Variants in ADAMTS12 observed in about 807,000 individuals in gnomAD.
The protein encoded by ADAMTS12 is A disintegrin and metalloproteinase with thrombospondin motifs 12.
ADAMTS12 carries 118 observed loss-of-function variants against 167.8 expected under a neutral mutation model. That is an observed-to-expected ratio of 0.70 (90% CI 0.61 to 0.82). The LOEUF is 0.82. Among genes scored for constraint, ADAMTS12 ranks in the 40% least tolerant of loss-of-function variants. ADAMTS12 has a pLI of 0.00. For missense variants in ADAMTS12, 1,916 were observed against 1,998.8 expected, an observed-to-expected ratio of 0.96 and a Z score of 0.79; for synonymous variants, 704 against 716.9, an observed-to-expected ratio of 0.98 and a Z score of 0.29.
chr5:33,530,351 GT>G (rs1744038063), intron 23 of ADAMTS12, among the ~76,000 whole-genome samples: 1 of 152,238 alleles, frequency 6.6e-6, no homozygotes, highest in African/African-American at 2.4e-5. Flanking sequence ...CAGCAGAGCA[GT>G]GGGTGTTGTT....
At chr5:33,887,056 T>C (rs555661470) in intron 1 of ADAMTS12, among the ~76,000 whole-genome samples, 3 of 152,218 alleles carry the variant, frequency 2.0e-5, no homozygotes, top group East Asian at 1.9e-4. Flanking sequence ...ACACTCACCA[T>C]AGCCTCCTCT....
chr5:33,684,120 T>C, intron 3 of ADAMTS12, 65 bp from the exon 4 acceptor site: 1 of 1,191,604 alleles, frequency 8.4e-7, no homozygotes, highest in Non-Finnish European at 1.1e-6. Context: ...CTACTTATGT[T>C]AGTAAAGATG....
chr5:33,727,245 T>G (rs1268645827), intron 3 of ADAMTS12, among the ~76,000 whole-genome samples: 1 of 152,046 alleles, frequency 6.6e-6, no homozygotes, highest in Non-Finnish European at 1.5e-5. Context: ...ACCACCGAGA[T>G]CTGGCCTGGG....
At chr5:33,583,764 T>C (rs1747197780) in intron 18 of ADAMTS12, among the ~76,000 whole-genome samples, 1 of 152,252 alleles carries the variant, frequency 6.6e-6, no homozygotes, top group South Asian at 2.1e-4. Flanking sequence ...CACCTTTTCA[T>C]ATGCCTGCTT....
chr5:33,626,356 G>GA (rs1739597449), intron 13 of ADAMTS12, among the ~76,000 whole-genome samples: 2 of 147,080 alleles, frequency 1.4e-5, no homozygotes, highest in African/African-American at 2.5e-5. Context: ...TGGTGGTGAT[G>GA]TGATGGTGGT....
chr5:33,793,060 C>T (rs1325894455), intron 2 of ADAMTS12, among the ~76,000 whole-genome samples: 4 of 152,226 alleles, frequency 2.6e-5, no homozygotes, highest in Non-Finnish European at 4.4e-5. Context: ...GGGATGTGTG[C>T]CACAGTGGAT....
At chr5:33,636,800 T>C (rs944533292) in intron 12 of ADAMTS12, among the ~76,000 whole-genome samples, 28 of 152,160 alleles carry the variant, frequency 1.8e-4, no homozygotes, top group African/African-American at 6.3e-4. Context: ...ACAACACAAA[T>C]ATGTTTTTTG....
intron 3 of ADAMTS12, among the ~76,000 whole-genome samples, chr5:33,690,269 G>A (rs956485573): frequency 1.3e-5 from 2 of 152,144 alleles, no homozygotes; most frequent in African/African-American, 4.8e-5. Context: ...CACACTAACT[G>A]AGAACAAAAA....
chr5:33,739,807 G>A (rs1744503058), intron 3 of ADAMTS12, among the ~76,000 whole-genome samples: 1 of 152,184 alleles, frequency 6.6e-6, no homozygotes, highest in Non-Finnish European at 1.5e-5. Flanking sequence ...TAGGGATGGG[G>A]CAAGGGTGTA....
At chr5:33,548,361 G>T (rs1038419319) in intron 21 of ADAMTS12, among the ~76,000 whole-genome samples, 17 of 152,084 alleles carry the variant, frequency 1.1e-4, no homozygotes, top group African/African-American at 4.1e-4. Context: ...TCTCAGGTAG[G>T]TTTCTCAACC....
rs113060071 is a variant in ADAMTS12 at position 33,526,964 on chromosome 5, C to T, written c.*224G>A. 3.1e-4 allele frequency: 165 copies of T among 535,992 alleles called. 1 individual carries two copies. The highest frequency in any genetic ancestry group is 2.8e-3 in the African/African-American group (150 of 52,910). 33.2% of individuals were successfully genotyped at this position (535,992 alleles called of 1,614,324 possible). ...CGATACCAGGTGCTGCCTGATTCTC[C>T]TAGCTATTTCACCTTCCTATCAGGG... is the stretch of plus-strand genomic sequence containing the variant. On this transcript the variant is annotated 3_prime_UTR_variant, in exon 24 of 24. Coordinates refer to ENST00000504830, the MANE Select transcript of ADAMTS12 (RefSeq NM_030955.4).
At chr5:33,613,058 A>G (rs1738806446) in intron 16 of ADAMTS12, among the ~76,000 whole-genome samples, 1 of 152,204 alleles carries the variant, frequency 6.6e-6, no homozygotes, top group Non-Finnish European at 1.5e-5. Flanking sequence ...GAGACCTGGT[A>G]TGTGAGAGGG....
intron 2 of ADAMTS12, among the ~76,000 whole-genome samples, chr5:33,836,827 G>A (rs1366858370): frequency 6.6e-6 from 1 of 152,190 alleles, no homozygotes; most frequent in Admixed American, 6.5e-5. Context: ...GGCCAAGGTG[G>A]CCAGAGCCTA....
intron 2 of ADAMTS12, among the ~76,000 whole-genome samples, chr5:33,838,905 G>C: frequency 6.6e-6 from 1 of 151,686 alleles, no homozygotes; most frequent in Non-Finnish European, 1.5e-5. Context: ...AAAACTCTTA[G>C]AAACAATAAC....
chr5:33,683,669 T>A (rs927862566), intron 4 of ADAMTS12, among the ~76,000 whole-genome samples, 190 bp downstream of exon 4: 2 of 152,152 alleles, frequency 1.3e-5, no homozygotes, highest in African/African-American at 4.8e-5. Flanking sequence ...AGGATACACA[T>A]CTTTAAGGGA....
intron 7 of ADAMTS12, among the ~76,000 whole-genome samples, chr5:33,656,225 A>G (rs532694959): frequency 6.6e-6 from 1 of 152,218 alleles, no homozygotes; most frequent in Admixed American, 6.5e-5. Context: ...ACTCAGTTCT[A>G]GTCTGTTAAA....
At chr5:33,847,060 A>T (rs1748972331) in intron 2 of ADAMTS12, among the ~76,000 whole-genome samples, 1 of 152,202 alleles carries the variant, frequency 6.6e-6, no homozygotes. Flanking sequence ...GAAAGGGAAA[A>T]CAAACAACTT....
intron 14 of ADAMTS12, among the ~76,000 whole-genome samples, chr5:33,616,577 G>C (rs372496732): frequency 6.6e-6 from 1 of 152,166 alleles, no homozygotes; most frequent in Non-Finnish European, 1.5e-5. Flanking sequence ...ATCCTGGAGG[G>C]AATCTCAGAT....
intron 2 of ADAMTS12, among the ~76,000 whole-genome samples, chr5:33,822,654 AC>A (rs1380349079): frequency 7.2e-5 from 11 of 152,240 alleles, no homozygotes; most frequent in African/African-American, 2.7e-4. Context: ...ATTAAAAGAT[AC>A]TATGATTATT....
Sources: gnomAD v4.1 joint callset for allele counts (sites outside exome capture counted in the v4.1 genomes callset) on GRCh38, gnomAD v4.1.1 for gene constraint, MANE v1.5 for transcripts, NCBI Gene and HGNC (gene_info 2026-07-23, HGNC 2026-07-21) for gene names.